Variants in MCMBP observed in about 807,000 individuals in gnomAD.
MCMBP encodes the protein mini-chromosome maintenance complex-binding protein.
A neutral mutation model predicts 81.3 loss-of-function variants in MCMBP; 31 were observed. The observed-to-expected ratio is 0.38, with a 90% CI of 0.29 to 0.51. The LOEUF is 0.51. Among genes scored for constraint, MCMBP ranks in the 20% least tolerant of loss-of-function variants. MCMBP has a pLI of 0.87. For synonymous variants in MCMBP, 267 were observed against 275.9 expected, an observed-to-expected ratio of 0.97 and a Z score of 0.32; for missense variants, 645 against 772.1, an observed-to-expected ratio of 0.84 and a Z score of 1.95.
At chr10:119,841,576 C>T (rs762493470) in intron 10 of MCMBP, among the ~76,000 whole-genome samples, 2 of 152,304 alleles carry the variant, frequency 1.3e-5, no homozygotes, top group Admixed American at 6.5e-5. Flanking sequence ...AAACAAGACA[C>T]GCATCTGTGC....
At chr10:119,845,297 C>T (rs1180912679) in intron 8 of MCMBP, among the ~76,000 whole-genome samples, 4 of 151,780 alleles carry the variant, frequency 2.6e-5, no homozygotes, top group African/African-American at 7.3e-5. Flanking sequence ...GATTAATGTC[C>T]GGTATTCAAC....
intron 10 of MCMBP, among the ~76,000 whole-genome samples, chr10:119,842,049 T>A (rs1852452739): frequency 6.6e-6 from 1 of 152,194 alleles, no homozygotes. Flanking sequence ...AGATCAGCAG[T>A]GGCATCAGAC....
chr10:119,846,416 C>G (rs2456714), intron 8 of MCMBP, among the ~76,000 whole-genome samples: 1 of 151,872 alleles, frequency 6.6e-6, no homozygotes, highest in African/African-American at 2.4e-5. Context: ...AAATTGCCAA[C>G]AAAGTAATAA....
chr10:119,841,875 A>G (rs911298045), intron 10 of MCMBP, among the ~76,000 whole-genome samples: 4 of 152,210 alleles, frequency 2.6e-5, no homozygotes, highest in Non-Finnish European at 5.9e-5. Flanking sequence ...TGCAAAAGGG[A>G]TAAAACAGCT....
intron 5 of MCMBP, 144 bp downstream of exon 5, chr10:119,857,194 C>A: frequency 8.8e-6 from 4 of 454,652 alleles, no homozygotes; most frequent in East Asian, 3.8e-5. Flanking sequence ...GTGACAAATA[C>A]TTAGCCCGTT....
chr10:119,844,685 TG>T lies in MCMBP; in HGVS notation c.828-1260del, dbSNP rs368730854. 3.2e-4 allele frequency among the ~76,000 whole-genome samples: 49 copies of T among 152,320 alleles called. No individual in the cohort carries two copies. The East Asian group carries it at 8.3e-3, about 26-fold the overall frequency. On this transcript the variant is annotated intron_variant, in intron 8 of 15. Transcript: ENST00000369077. ...GAGATTAACATTTGAGTCAGCGGGC[TG>T]GGAGAGGCAGACCCACCCTCAGTCT...
intron 1 of MCMBP, among the ~76,000 whole-genome samples, chr10:119,869,301 T>C (rs940430345): frequency 6.6e-6 from 1 of 151,906 alleles, no homozygotes; most frequent in Non-Finnish European, 1.5e-5. Context: ...CGGCTCGGTG[T>C]GGTGGCTCAC....
intron 1 of MCMBP, among the ~76,000 whole-genome samples, chr10:119,860,918 A>G (rs1853234360): frequency 6.6e-6 from 1 of 152,162 alleles, no homozygotes; most frequent in South Asian, 2.1e-4. Flanking sequence ...AATTTTGATC[A>G]CCCAAAGTGA....
At chr10:119,838,061 A>G (rs964740447) in intron 12 of MCMBP, among the ~76,000 whole-genome samples, 2 of 151,854 alleles carry the variant, frequency 1.3e-5, no homozygotes, top group African/African-American at 4.8e-5. Flanking sequence ...ACTACGCAAA[A>G]GAACCCAACA....
intron 8 of MCMBP, among the ~76,000 whole-genome samples, chr10:119,846,304 T>C (rs1441938996): frequency 1.3e-5 from 2 of 152,242 alleles, no homozygotes; most frequent in Non-Finnish European, 1.5e-5. Flanking sequence ...AATCAGAATC[T>C]ATTAGTCTAT....
chr10:119,870,955 A>T (rs1377756867), intron 1 of MCMBP, among the ~76,000 whole-genome samples: 1 of 152,222 alleles, frequency 6.6e-6, no homozygotes, highest in Non-Finnish European at 1.5e-5. Flanking sequence ...CTGTACTATG[A>T]TGAGATGTGT....
rs1853741053 is a variant in MCMBP at position 119,872,731 on chromosome 10, G to C, written c.-147C>G. 4.2e-6 allele frequency: 1 copy of C among 240,774 alleles called. No homozygotes were observed. The allele number at this position is 240,774 out of a possible 1,614,324, so 14.9% of individuals were successfully genotyped here. ...CGCCCTCCCACGCACAGCGAGCCGC[G>C]GGGCGCGGGCCTCCCGCGCCTCAGG... is the stretch of plus-strand genomic sequence containing the variant. On this transcript the variant is annotated 5_prime_UTR_variant, in exon 1 of 16. Transcript: ENST00000369077.
intron 1 of MCMBP, 60 bp from the exon 2 acceptor site, chr10:119,859,944 G>C (rs1853192827): frequency 1.6e-6 from 2 of 1,243,212 alleles, no homozygotes; most frequent in Non-Finnish European, 2.3e-6. Context: ...AAAAGACTAT[G>C]ATCAGGTGAG....
intron 9 of MCMBP, 86 bp downstream of exon 9, chr10:119,843,168 A>T: frequency 6.8e-7 from 1 of 1,467,058 alleles, no homozygotes; most frequent in African/African-American, 1.4e-5. Context: ...CTGACTCTCA[A>T]TTCCACTATG....
intron 6 of MCMBP, among the ~76,000 whole-genome samples, chr10:119,850,315 G>C (rs1337256084): frequency 6.6e-6 from 1 of 152,132 alleles, no homozygotes; most frequent in Non-Finnish European, 1.5e-5. Context: ...GTGGTTGCTA[G>C]GGTCTAGAGA....
Position 119,842,522 on chromosome 10 carries a change from C to T in MCMBP, c.1074G>A (p.Leu358=), listed in dbSNP as rs770074173. Residue 358 remains leucine, a synonymous_variant, in exon 10 of 16, where the codon CTG becomes CTA. Transcript: ENST00000369077. ...GGTATTCAGCAGCCAAACTATCCCC[C>T]AGAAGGGCATGAGTAAGGAACCCAA... ...ELLGFLTHAL[L]GDSLAAEYLI... 4.3e-6 allele frequency: 7 copies of T among 1,613,878 alleles called. No individual in the cohort carries two copies. The highest frequency in any genetic ancestry group is 1.1e-5 in the South Asian group (1 of 91,072).
chr10:119,866,263 C>A (rs1446824101), intron 1 of MCMBP, among the ~76,000 whole-genome samples: 1 of 152,102 alleles, frequency 6.6e-6, no homozygotes, highest in African/African-American at 2.4e-5. Flanking sequence ...ATAGTTGTTG[C>A]CAGAGATGGA....
At chr10:119,869,377 G>T (rs1208030431) in intron 1 of MCMBP, among the ~76,000 whole-genome samples, 2 of 152,184 alleles carry the variant, frequency 1.3e-5, no homozygotes, top group Admixed American at 6.5e-5. Context: ...TTCAAGACCA[G>T]CCTGGCCAAC....
At position 119,830,383 on chromosome 10, in the gene MCMBP, A is replaced by AACCT. The variant is rs779832746; in HGVS notation, c.*1087_*1090dup. On this transcript the variant is annotated 3_prime_UTR_variant, in exon 16 of 16. Transcript: ENST00000369077. ...TATTAAAACTAATTGGTCTGGAGAA[A>AACCT]ACCTACCTGCAGTTGTACGAGGCTG... The AACCT allele has an allele frequency of 6.6e-6, 1 of 152,236 alleles. No individual in the cohort carries two copies. The highest frequency in any genetic ancestry group is 1.5e-5 in the Non-Finnish European group (1 of 68,034). The allele number at this position is 152,236 out of a possible 1,614,324, so 9.4% of individuals were successfully genotyped here. A position where few individuals can be genotyped will look rare whatever the true frequency, so the allele number is the denominator to read the frequency against.
Sources: allele counts gnomAD v4.1 joint callset (sites outside exome capture counted in the v4.1 genomes callset), GRCh38; gene constraint gnomAD v4.1.1; transcripts MANE v1.5; gene names NCBI Gene and HGNC (gene_info 2026-07-23, HGNC 2026-07-21).